The following RBM47 variants were observed in gnomAD, a reference collection of about 807,000 sequenced individuals.
RBM47 encodes the protein RNA-binding protein 47.
RBM47 carries 21 observed loss-of-function variants against 47.1 expected under a neutral mutation model. The ratio of observed to expected loss-of-function variants is 0.45; its 90% CI spans 0.32 to 0.64. The LOEUF (loss-of-function observed/expected upper bound fraction) is 0.64, where lower values mean the gene tolerates loss of function less well. Ranked by LOEUF, RBM47 falls within the 30% of genes least tolerant of loss-of-function variation. The probability of loss-of-function intolerance (pLI) is 0.05; values close to 1 mark genes in which losing one functional copy is unlikely to be tolerated. For synonymous variants in RBM47, 375 were observed against 361.7 expected (o/e 1.04, Z -0.42); for missense variants, 708 against 870.9 (o/e 0.81, Z 2.35).
intron 1 of RBM47, among the ~76,000 whole-genome samples, chr4:40,610,845 G>A (rs183701982): frequency 4.4e-4 from 67 of 152,126 alleles, no homozygotes; most frequent in African/African-American, 1.6e-3. Context: ...AGGGGTTTCT[G>A]CTTTCACTTC....
intron 3 of RBM47, among the ~76,000 whole-genome samples, chr4:40,461,013 T>TA (rs1438285584): frequency 3.3e-5 from 5 of 151,440 alleles, no homozygotes; most frequent in African/African-American, 1.2e-4. Context: ...CAAATTTAAA[T>TA]AAAAAGCACA....
intron 1 of RBM47, among the ~76,000 whole-genome samples, chr4:40,569,701 G>A (rs532367768): frequency 2.0e-4 from 30 of 147,074 alleles, no homozygotes; most frequent in African/African-American, 3.8e-4. Context: ...GAGTCACCAC[G>A]CCCGGCTCTA....
intron 2 of RBM47, among the ~76,000 whole-genome samples, chr4:40,531,953 T>TG (rs1727429049): frequency 6.6e-6 from 1 of 151,504 alleles, no homozygotes; most frequent in Non-Finnish European, 1.5e-5. Flanking sequence ...GGGTATTCTG[T>TG]GGGGCCTGAA....
At chr4:40,482,763 T>A (rs1282807875) in intron 2 of RBM47, among the ~76,000 whole-genome samples, 1 of 152,190 alleles carries the variant, frequency 6.6e-6, no homozygotes, top group African/African-American at 2.4e-5. Flanking sequence ...GAAACGGAAA[T>A]TTTTCAGGAG....
At chr4:40,475,442 A>G (rs76198772) in intron 2 of RBM47, among the ~76,000 whole-genome samples, 1 of 152,324 alleles carries the variant, frequency 6.6e-6, no homozygotes, top group African/African-American at 2.4e-5. Context: ...TCAAGCATAT[A>G]AAGTGAAAAG....
intron 1 of RBM47, among the ~76,000 whole-genome samples, chr4:40,600,941 C>T (rs1735210675): frequency 7.4e-6 from 1 of 135,504 alleles, no homozygotes; most frequent in Admixed American, 8.6e-5. Flanking sequence ...GCCAAGATCG[C>T]GCCACTGCAC....
At chr4:40,529,834 T>TAATAAATAAACA (rs567661841) in intron 2 of RBM47, among the ~76,000 whole-genome samples, 14 of 137,336 alleles carry the variant, frequency 1.0e-4, no homozygotes, top group African/African-American at 3.7e-4. Context: ...ATCTAAAAAA[T>TAATAAATAAACA]AATAAATAAA....
At chr4:40,441,872 T>C (rs1713706545) in intron 3 of RBM47, among the ~76,000 whole-genome samples, 1 of 152,244 alleles carries the variant, frequency 6.6e-6, no homozygotes, top group African/African-American at 2.4e-5. Context: ...GCTTATTTCT[T>C]ACATCAATGA....
intron 1 of RBM47, among the ~76,000 whole-genome samples, chr4:40,552,049 T>A (rs994000420): frequency 2.6e-5 from 4 of 152,120 alleles, no homozygotes; most frequent in Admixed American, 2.6e-4. Context: ...CAATCCATCT[T>A]TATACAAGAC....
intron 3 of RBM47, among the ~76,000 whole-genome samples, chr4:40,458,731 C>T (rs1716654896): frequency 6.6e-6 from 1 of 152,056 alleles, no homozygotes; most frequent in Non-Finnish European, 1.5e-5. Context: ...TGTTGTTCCA[C>T]CTTTCCAGCT....
chr4:40,510,310 C>A (rs1023324465), intron 2 of RBM47, among the ~76,000 whole-genome samples: 2 of 151,980 alleles, frequency 1.3e-5, no homozygotes, highest in Admixed American at 6.6e-5. Context: ...TTGTTATATG[C>A]CCTATTTCTC....
intron 1 of RBM47, among the ~76,000 whole-genome samples, chr4:40,573,807 A>AAAAGAAAGAAAGAAAAGAAAGAAAG (rs1732013594): frequency 4.4e-5 from 6 of 136,758 alleles, no homozygotes; most frequent in African/African-American, 1.8e-4. Context: ...GAAAGAAAGA[A>AAAAGAAAGAAAGAAAAGAAAGAAAG]AAAGAAAGAA....
chr4:40,532,309 A>ATTTTTTT (rs34850081), intron 2 of RBM47, among the ~76,000 whole-genome samples: 3 of 65,802 alleles, frequency 4.6e-5, no homozygotes, highest in East Asian at 4.3e-4. Context: ...CACGCCCGGC[A>ATTTTTTT]TTTTTTTTTT....
In RBM47 at chr4:40,462,347, T is replaced by C. The variant is rs993624531; in HGVS notation, c.-32+4230A>G. Among the ~76,000 whole-genome samples the C allele has an allele frequency of 3.0e-4, 45 of 152,128 alleles. 1 individual carries two copies. Among genetic ancestry groups the C allele is most frequent in the Admixed American group, 2.4e-3 (36 of 15,262 alleles). On this transcript the variant is annotated intron_variant, in intron 3 of 6. Transcript: ENST00000295971. ...TCTCTGAAGCAGCATGAAAAGAAAT[T>C]TGTTTTTGTACAAAAGATGTTTTTA... is the stretch of plus-strand genomic sequence containing the variant.
chr4:40,463,790 C>T (rs1403773387), intron 3 of RBM47, among the ~76,000 whole-genome samples: 2 of 151,538 alleles, frequency 1.3e-5, no homozygotes, highest in African/African-American at 4.8e-5. Flanking sequence ...ACTTTTGCAC[C>T]AACCTAAATA....
rs1412650455 is a variant in RBM47 at position 40,438,774 on chromosome 4, C to T, written c.120G>A (p.Glu40=). Residue 40 remains glutamate, a synonymous_variant, in exon 4 of 7, where the codon GAG becomes GAA. Transcript: ENST00000295971. ...PNEAALLALM[E]RTGYSMVQEN... ...CTTGCACCATGCTGTAGCCCGTGCG[C>T]TCCATCAGCGCCAGCAGTGCTGCCT... 1 of 1,567,578 alleles carries T rather than the reference C, an allele frequency of 6.4e-7. No homozygotes were observed. Among genetic ancestry groups the T allele is most frequent in the Non-Finnish European group, 8.6e-7 (1 of 1,161,488 alleles).
At chr4:40,620,246 A>G (rs1052018467) in intron 1 of RBM47, among the ~76,000 whole-genome samples, 1 of 146,720 alleles carries the variant, frequency 6.8e-6, no homozygotes, top group African/African-American at 2.5e-5. Flanking sequence ...AGTGGCTCAC[A>G]CCTGTAATCC....
chr4:40,452,114 G>A lies in RBM47; in HGVS notation c.-31-13190C>T, dbSNP rs1386511526. ...GAACCCAGGAGGTAGAGGCTGCAAT[G>A]AGCCGAGATCATGCCACTGCACTCC... On this transcript the variant is annotated intron_variant, in intron 3 of 6. Coordinates refer to ENST00000295971, the MANE Select transcript of RBM47 (RefSeq NM_001098634.2). Among the ~76,000 whole-genome samples the A allele has an allele frequency of 2.6e-5, 4 of 151,594 alleles. No individual in the cohort carries two copies. In the East Asian group the frequency reaches 5.8e-4, roughly 22 times the overall value.
At chr4:40,467,483 G>T (rs1715849881) in intron 2 of RBM47, among the ~76,000 whole-genome samples, 1 of 151,906 alleles carries the variant, frequency 6.6e-6, no homozygotes, top group Admixed American at 6.6e-5. Context: ...TAGAGCTGGG[G>T]TTTCATCATG....
Sources: gnomAD v4.1 joint callset for allele counts (sites outside exome capture counted in the v4.1 genomes callset) on GRCh38, gnomAD v4.1.1 for gene constraint, MANE v1.5 for transcripts, NCBI Gene and HGNC (gene_info 2026-07-23, HGNC 2026-07-21) for gene names.